MAGI1: variants seen among roughly 807,000 people sequenced by gnomAD.
MAGI1 encodes the protein membrane associated guanylate kinase, WW and PDZ domain containing 1.
Under a neutral mutation model 139.9 loss-of-function variants are expected in MAGI1, and 58 were observed. That is an observed-to-expected ratio of 0.41 (90% confidence interval 0.34 to 0.52). The LOEUF is 0.52. Among genes scored for constraint, MAGI1 ranks in the 20% least tolerant of loss-of-function variants. MAGI1 has a pLI of 0.12. For missense variants in MAGI1, 1,874 were observed against 1,901.6 expected, an observed-to-expected ratio of 0.99 and a Z score of 0.27; for synonymous variants, 812 against 737.9, an observed-to-expected ratio of 1.10 and a Z score of -1.63.
At chr3:66,011,496 C>T (rs1423880937) in intron 1 of MAGI1, among the ~76,000 whole-genome samples, 2 of 152,134 alleles carry the variant, frequency 1.3e-5, no homozygotes, top group African/African-American at 2.4e-5. Flanking sequence ...CTATGCCACC[C>T]GCCTCCAGGA....
intron 1 of MAGI1, among the ~76,000 whole-genome samples, chr3:66,022,225 C>T (rs532069994): frequency 6.6e-6 from 1 of 152,278 alleles, no homozygotes; most frequent in African/African-American, 2.4e-5. Flanking sequence ...CTTGAGCTTA[C>T]ATTTTTAGCT....
At chr3:65,658,105 C>CT (rs1164240196) in intron 1 of MAGI1, among the ~76,000 whole-genome samples, 1 of 152,126 alleles carries the variant, frequency 6.6e-6, no homozygotes, top group Non-Finnish European at 1.5e-5. Context: ...AAATCACGAA[C>CT]TTTATCATGT....
intron 2 of MAGI1, among the ~76,000 whole-genome samples, chr3:65,548,067 C>T (rs1250799011): frequency 6.6e-6 from 1 of 152,174 alleles, no homozygotes; most frequent in Non-Finnish European, 1.5e-5. Context: ...AACCCTGCGG[C>T]AATAACCAGC....
chr3:66,024,545 G>A (rs1187125574), intron 1 of MAGI1, among the ~76,000 whole-genome samples: 3 of 152,070 alleles, frequency 2.0e-5, no homozygotes, highest in East Asian at 1.9e-4. Context: ...GGTGGCTCAC[G>A]CCTGTAATCC....
At chr3:65,488,277 G>GCTTTCT (rs1951755154) in intron 3 of MAGI1, among the ~76,000 whole-genome samples, 1 of 152,076 alleles carries the variant, frequency 6.6e-6, no homozygotes, top group Non-Finnish European at 1.5e-5. Flanking sequence ...ACTAGATGAA[G>GCTTTCT]CTTTCTATAA....
At chr3:65,421,957 A>G (rs78695084) in intron 12 of MAGI1, among the ~76,000 whole-genome samples, 2,274 of 152,290 alleles carry the variant, frequency 0.015, 56 homozygotes, top group African/African-American at 0.051. Context: ...ATAAAAATAA[A>G]TCCATTAACT....
chr3:65,913,293 T>G (rs892795691), intron 1 of MAGI1, among the ~76,000 whole-genome samples: 1 of 152,196 alleles, frequency 6.6e-6, no homozygotes, highest in Admixed American at 6.5e-5. Context: ...AAATAAACAC[T>G]TCCAAGCCAT....
chr3:65,911,360 G>C (rs1253974849), intron 1 of MAGI1, among the ~76,000 whole-genome samples: 1 of 151,912 alleles, frequency 6.6e-6, no homozygotes, highest in African/African-American at 2.4e-5. Flanking sequence ...TCATCCTCCG[G>C]GGGACGCTCT....
intron 7 of MAGI1, among the ~76,000 whole-genome samples, chr3:65,444,220 T>C (rs998048448): frequency 6.6e-6 from 1 of 152,160 alleles, no homozygotes; most frequent in African/African-American, 2.4e-5. Context: ...CAGGTCCAAT[T>C]TGCAGATGTT....
intron 1 of MAGI1, among the ~76,000 whole-genome samples, chr3:65,726,057 GAGTAT>G (rs1183208791): frequency 6.6e-6 from 1 of 152,188 alleles, no homozygotes; most frequent in Non-Finnish European, 1.5e-5. Flanking sequence ...ATTCTTGGCA[GAGTAT>G]AGTAAAGAAA....
At chr3:65,571,351 G>C (rs2080951641) in intron 2 of MAGI1, among the ~76,000 whole-genome samples, 1 of 152,000 alleles carries the variant, frequency 6.6e-6, no homozygotes, top group Non-Finnish European at 1.5e-5. Context: ...AGAAATAAAT[G>C]CTCTTTAAAT....
intron 2 of MAGI1, among the ~76,000 whole-genome samples, chr3:65,591,776 A>T (rs139407448): frequency 3.3e-5 from 5 of 152,252 alleles, no homozygotes; most frequent in Non-Finnish European, 7.4e-5. Flanking sequence ...TGCAGGTACC[A>T]CTTCTGCCAC....
intron 2 of MAGI1, among the ~76,000 whole-genome samples, chr3:65,595,619 C>G (rs951724821): frequency 6.6e-6 from 1 of 151,978 alleles, no homozygotes; most frequent in Non-Finnish European, 1.5e-5. Flanking sequence ...AGGAACAGAC[C>G]GATTTAAGAG....
chr3:65,523,111 G>C (rs145648073), intron 2 of MAGI1, among the ~76,000 whole-genome samples: 1 of 152,150 alleles, frequency 6.6e-6, no homozygotes, highest in Non-Finnish European at 1.5e-5. Context: ...TAAAGATGGA[G>C]TCTAAGCACA....
At chr3:65,870,125 TAGAC>T (rs1286311911) in intron 1 of MAGI1, among the ~76,000 whole-genome samples, 11 of 152,152 alleles carry the variant, frequency 7.2e-5, no homozygotes, top group African/African-American at 2.7e-4. Flanking sequence ...ATTTCTATCA[TAGAC>T]AGGAGCCTAT....
chr3:65,405,742 AC>A (rs1945281713), intron 12 of MAGI1, among the ~76,000 whole-genome samples: 1 of 152,084 alleles, frequency 6.6e-6, no homozygotes, highest in Non-Finnish European at 1.5e-5. Context: ...TTACAGGTGC[AC>A]GTCACCATGC....
At chr3:65,964,111 C>T in intron 1 of MAGI1, among the ~76,000 whole-genome samples, 1 of 152,162 alleles carries the variant, frequency 6.6e-6, no homozygotes, top group East Asian at 1.9e-4. Context: ...GACTGAGAAA[C>T]CAACACAATT....
chr3:65,515,449 A>C (rs1487182610), intron 2 of MAGI1, among the ~76,000 whole-genome samples: 1 of 152,228 alleles, frequency 6.6e-6, no homozygotes, highest in Non-Finnish European at 1.5e-5. Context: ...CTAAATGCTT[A>C]AATGAATACT....
At chr3:65,464,256 C>G (rs1950022401) in intron 5 of MAGI1, among the ~76,000 whole-genome samples, 2 of 151,314 alleles carry the variant, frequency 1.3e-5, no homozygotes, top group East Asian at 1.9e-4. Context: ...CTCCTCTTAC[C>G]TTTATTATTT....
Sources: allele counts gnomAD v4.1 joint callset (sites outside exome capture counted in the v4.1 genomes callset), GRCh38; gene constraint gnomAD v4.1.1; transcripts MANE v1.5; gene names NCBI Gene and HGNC (gene_info 2026-07-23, HGNC 2026-07-21).